The following CTNNA2 variants were observed in gnomAD, a reference collection of about 807,000 sequenced individuals.
CTNNA2 encodes catenin alpha-2.
CTNNA2 carries 42 observed loss-of-function variants against 101.0 expected under a neutral mutation model. That is an observed-to-expected ratio of 0.42 (90% CI 0.32 to 0.54). The LOEUF (loss-of-function observed/expected upper bound fraction) is 0.54. Ranked by LOEUF, CTNNA2 falls within the 20% of genes least tolerant of loss-of-function variation. The pLI is 0.14. For missense variants in CTNNA2, 871 were observed against 1,223.1 expected, an observed-to-expected ratio of 0.71 and a Z score of 4.29; for synonymous variants, 450 against 456.4, an observed-to-expected ratio of 0.99 and a Z score of 0.18.
intron 2 of CTNNA2, among the ~76,000 whole-genome samples, chr2:79,696,295 C>CT (rs1309752380): frequency 1.3e-5 from 2 of 152,022 alleles, no homozygotes; most frequent in Admixed American, 1.3e-4. Flanking sequence ...ATTCAGAGAC[C>CT]TTTGTTGTGC....
At chr2:79,748,894 A>G (rs769956689) in intron 3 of CTNNA2, among the ~76,000 whole-genome samples, 46 of 152,046 alleles carry the variant, frequency 3.0e-4, no homozygotes, top group Non-Finnish European at 5.6e-4. Flanking sequence ...CTGAACCCCT[A>G]TGGACTCTGA....
Position 79,869,922 on chromosome 2 carries a change from C to A in CTNNA2, c.572C>A (p.Ala191Glu). The A allele has an allele frequency of 6.2e-7, 1 of 1,613,684 alleles. No individual in the cohort carries two copies. Among genetic ancestry groups the A allele is most frequent in the Non-Finnish European group, 8.5e-7 (1 of 1,179,932 alleles). Residue 191 changes from alanine (A) to glutamate (E), a missense_variant, in exon 5 of 19, where the codon GCA (alanine) becomes GAA (glutamate). Ala to Glu is a moderately radical substitution (Grantham distance 107). Transcript: ENST00000402739. The part of the protein sequence containing the change: ...KEMVKLNYVA[A>E]RRQQELKDPH... ...ATGGTGAAACTTAACTATGTAGCAG[C>A]AAGAAGACAACAGGTGGGAAAGATT...
intron 4 of CTNNA2, among the ~76,000 whole-genome samples, chr2:79,428,676 C>A (rs1162493320): frequency 6.6e-6 from 1 of 152,056 alleles, no homozygotes; most frequent in Non-Finnish European, 1.5e-5. Flanking sequence ...CATGCCTCAG[C>A]GTACAGTAGG....
At chr2:79,859,291 G>A (rs1462130644) in intron 4 of CTNNA2, among the ~76,000 whole-genome samples, 3 of 152,072 alleles carry the variant, frequency 2.0e-5, no homozygotes, top group Non-Finnish European at 4.4e-5. Context: ...GACCAGGGGA[G>A]ATAGGAAATG....
chr2:79,442,000 G>A lies in CTNNA2; in HGVS notation c.-134-63054G>A, dbSNP rs17017126. On this transcript the variant is annotated intron_variant, in intron 4 of 21. Coordinates refer to the CTNNA2 transcript ENST00000466387. ...AGCCCAAATTCACCCCTTTAGAGGA[G>A]TTATTTGTGACTAATTAGCTATTAG... 3.7e-3 allele frequency among the ~76,000 whole-genome samples: 563 copies of A among 152,232 alleles called. 24 individuals are homozygous for A. In the East Asian group the frequency reaches 0.087, roughly 23 times the overall value.
At chr2:80,379,035 C>T (rs1288081388) in intron 7 of CTNNA2, among the ~76,000 whole-genome samples, 1 of 151,990 alleles carries the variant, frequency 6.6e-6, no homozygotes, top group East Asian at 1.9e-4. Context: ...AGAAACTCTT[C>T]TTCTTGAGGG....
At chr2:79,479,882 C>T (rs1016616176) in intron 4 of CTNNA2, among the ~76,000 whole-genome samples, 2 of 151,888 alleles carry the variant, frequency 1.3e-5, no homozygotes, top group East Asian at 1.9e-4. Context: ...GAGATCATGC[C>T]ACTGCACTCT....
At chr2:80,037,897 T>C (rs2104246391) in intron 7 of CTNNA2, among the ~76,000 whole-genome samples, 1 of 152,230 alleles carries the variant, frequency 6.6e-6, no homozygotes, top group East Asian at 1.9e-4. Context: ...TCATTATATC[T>C]GATGCCATAA....
At chr2:79,278,737 A>T (rs1025782530) in intron 2 of CTNNA2, among the ~76,000 whole-genome samples, 5 of 152,240 alleles carry the variant, frequency 3.3e-5, no homozygotes, top group African/African-American at 1.2e-4. Flanking sequence ...TGAATTCCCT[A>T]TTCTAAGCTA....
intron 7 of CTNNA2, among the ~76,000 whole-genome samples, chr2:80,076,342 A>C (rs558504992): frequency 6.6e-6 from 1 of 151,722 alleles, no homozygotes; most frequent in East Asian, 1.9e-4. Flanking sequence ...ACAGTGGTGC[A>C]ATCACGGTTC....
At chr2:80,191,698 A>G (rs1323218479) in intron 7 of CTNNA2, among the ~76,000 whole-genome samples, 1 of 152,208 alleles carries the variant, frequency 6.6e-6, no homozygotes, top group Non-Finnish European at 1.5e-5. Flanking sequence ...ACATTATTTG[A>G]GAAGTAAAAA....
intron 7 of CTNNA2, among the ~76,000 whole-genome samples, chr2:80,212,913 G>T (rs1344172312): frequency 1.3e-5 from 2 of 152,106 alleles, no homozygotes; most frequent in Non-Finnish European, 2.9e-5. Flanking sequence ...TCTATTCAGG[G>T]ATTCAACTTC....
At chr2:80,020,600 C>T (rs924267964) in intron 7 of CTNNA2, among the ~76,000 whole-genome samples, 26 of 152,144 alleles carry the variant, frequency 1.7e-4, no homozygotes, top group Admixed American at 1.4e-3. Context: ...AAGTCATGTA[C>T]ACCATTCTAG....
intron 7 of CTNNA2, among the ~76,000 whole-genome samples, chr2:80,381,227 G>A (rs78223233): frequency 4.1e-4 from 62 of 151,816 alleles, no homozygotes; most frequent in Non-Finnish European, 7.4e-4. Context: ...TTGAGAAGTC[G>A]AGGAAGAGCA....
intron 9 of CTNNA2, among the ~76,000 whole-genome samples, chr2:80,426,912 C>A (rs933869977): frequency 6.6e-6 from 1 of 152,074 alleles, no homozygotes; most frequent in Admixed American, 6.5e-5. Context: ...GCCTGAATAT[C>A]ATGGCCCCAG....
At chr2:80,448,368 T>C (rs1355714037) in intron 9 of CTNNA2, among the ~76,000 whole-genome samples, 4 of 152,190 alleles carry the variant, frequency 2.6e-5, no homozygotes, top group Non-Finnish European at 4.4e-5. Context: ...TTCAAATAGT[T>C]CAAAAAAATT....
chr2:80,582,268 C>A (rs1695605245), intron 14 of CTNNA2, among the ~76,000 whole-genome samples: 1 of 152,102 alleles, frequency 6.6e-6, no homozygotes, highest in Non-Finnish European at 1.5e-5. Flanking sequence ...TTGCTCCATA[C>A]AATGGCCTAT....
chr2:80,358,361 T>G (rs1407648536), intron 7 of CTNNA2, among the ~76,000 whole-genome samples: 1 of 134,482 alleles, frequency 7.4e-6, no homozygotes, highest in Non-Finnish European at 1.5e-5. Flanking sequence ...TTTTTTTTTT[T>G]TTTTTTGAGA....
At chr2:80,521,096 G>T (rs1178356899) in intron 9 of CTNNA2, among the ~76,000 whole-genome samples, 1 of 152,194 alleles carries the variant, frequency 6.6e-6, no homozygotes, top group African/African-American at 2.4e-5. Context: ...CACCCACGAA[G>T]CCCTGACAGC....
Sources: gnomAD v4.1 joint callset for allele counts (sites outside exome capture counted in the v4.1 genomes callset) on GRCh38, gnomAD v4.1.1 for gene constraint, MANE v1.5 for transcripts, NCBI Gene and HGNC (gene_info 2026-07-23, HGNC 2026-07-21) for gene names.